Variants in PECAM1 observed in about 807,000 individuals in gnomAD.
PECAM1 encodes the protein platelet and endothelial cell adhesion molecule 1.
PECAM1 carries 8 observed loss-of-function variants against 13.8 expected under a neutral mutation model. The ratio of observed to expected loss-of-function variants is 0.58; its 90% confidence interval spans 0.34 to 1.05. The LOEUF (loss-of-function observed/expected upper bound fraction) is 1.05. Among genes scored for constraint, PECAM1 ranks in the 50% least tolerant of loss-of-function variants. The pLI is 0.03. For synonymous variants in PECAM1, 136 were observed against 52.6 expected (o/e 2.58, Z -6.86); for missense variants, 304 against 141.2 (o/e 2.15, Z -5.84).
At position 64,342,799 on chromosome 17, in the gene PECAM1, C is replaced by T. The variant is rs979816826; in HGVS notation, c.2108-1109G>A. 5.5e-3 allele frequency among the ~76,000 whole-genome samples: 831 copies of T among 152,196 alleles called. 5 individuals carry two copies. The highest frequency in any genetic ancestry group is 0.016 in the African/African-American group (660 of 41,512). The stretch of plus-strand genomic sequence containing the variant: ...GGGGTATGGGCACAGGATGTGTATA[C>T]AAAAATACACACACAGCATATACAC... On this transcript the variant is annotated intron_variant, in intron 13 of 15. Coordinates refer to ENST00000563924, the MANE Select transcript of PECAM1 (RefSeq NM_000442.5).
intron 2 of PECAM1, among the ~76,000 whole-genome samples, chr17:64,389,641 T>G (rs1361801351): frequency 6.6e-6 from 1 of 152,202 alleles, no homozygotes; most frequent in Non-Finnish European, 1.5e-5. Context: ...GGGGATAGGT[T>G]ACAATATTCA....
chr17:64,359,775 T>A (rs1314622313), intron 7 of PECAM1, among the ~76,000 whole-genome samples: 1 of 149,952 alleles, frequency 6.7e-6, no homozygotes, highest in Non-Finnish European at 1.5e-5. Context: ...TTTTTTTAGA[T>A]GGAGTTTCGC....
Position 64,360,257 on chromosome 17 carries a change from T to C in PECAM1, c.1375A>G (p.Asn459Asp), listed in dbSNP as rs1224567729. 4 of 475,404 alleles carry C rather than the reference T, an allele frequency of 8.4e-6. No homozygotes were observed. The highest frequency in any genetic ancestry group is 5.9e-5 in the African/African-American group (3 of 50,646). The allele number at this position is 475,404 out of a possible 1,614,324, so 29.4% of individuals were successfully genotyped here. A position where few individuals can be genotyped will look rare whatever the true frequency, so the allele number is the denominator to read the frequency against. Residue 459 changes from asparagine (N) to aspartate (D), a missense_variant, in exon 7 of 16, where the codon AAT (asparagine) becomes GAT (aspartate). Coordinates refer to ENST00000563924, the MANE Select transcript of PECAM1 (RefSeq NM_000442.5). ...TTGTCTTTGAATACCGCAGGATCATTTGAGTTCTTGGTACTATTCTCCAAA... is the reference window on the plus strand; with the variant it reads ...TTGTCTTTGAATACCGCAGGATCATCTGAGTTCTTGGTACTATTCTCCAAA... ...KVLENSTKNS[N>D]DPAVFKDNPT...
intron 2 of PECAM1, among the ~76,000 whole-genome samples, chr17:64,381,331 G>A (rs1202710879): frequency 3.3e-5 from 5 of 152,148 alleles, no homozygotes; most frequent in Non-Finnish European, 7.4e-5. Flanking sequence ...TCTTTGGGAT[G>A]CGTTTGTGCT....
chr17:64,390,179 C>T (rs1344975161), intron 2 of PECAM1: 2 of 354,892 alleles, frequency 5.6e-6, no homozygotes, highest in Non-Finnish European at 1.0e-5. Context: ...CAAGAGTAGT[C>T]GTGAGAACAG....
chr17:64,378,573 CGGGGG>C (rs2036414295), intron 2 of PECAM1, among the ~76,000 whole-genome samples: 1 of 150,912 alleles, frequency 6.6e-6, no homozygotes, highest in South Asian at 2.1e-4. Flanking sequence ...ACCTGGGAGG[CGGGGG>C]TTGCAGTGAG....
chr17:64,389,151 C>A (rs2036663592), intron 2 of PECAM1, among the ~76,000 whole-genome samples: 1 of 152,194 alleles, frequency 6.6e-6, no homozygotes, highest in African/African-American at 2.4e-5. Context: ...CAGCCTGGGG[C>A]CACTGCTCCG....
chr17:64,364,962 T>G (rs1222302224), intron 5 of PECAM1, among the ~76,000 whole-genome samples: 2 of 151,370 alleles, frequency 1.3e-5, no homozygotes, highest in African/African-American at 2.4e-5. Context: ...GTGTTGGAAG[T>G]TCTGGCCAGG....
chr17:64,330,740 AC>A (rs2035091112), intron 14 of PECAM1, among the ~76,000 whole-genome samples: 1 of 129,942 alleles, frequency 7.7e-6, no homozygotes, highest in African/African-American at 2.9e-5. Flanking sequence ...CATTCTCCAA[AC>A]CCTGTTGATA....
At chr17:64,389,363 C>A (rs1206783843) in intron 2 of PECAM1, among the ~76,000 whole-genome samples, 1 of 152,184 alleles carries the variant, frequency 6.6e-6, no homozygotes, top group Admixed American at 6.5e-5. Flanking sequence ...AGAAGCAGAA[C>A]AAAACCCTCT....
rs1598274880 is a variant in PECAM1, at chr17:64,329,578, G to T, written c.2187+122C>A. On this transcript the variant is annotated intron_variant, in intron 15 of 15. Coordinates refer to ENST00000563924, the MANE Select transcript of PECAM1 (RefSeq NM_000442.5). ...TAGTCAGAGAAGCCCAGGGCTTCTG[G>T]TCTGAAACAGACTAGGGAGCGGGGA... 9 of 690,090 alleles carry T rather than the reference G, an allele frequency of 1.3e-5. No individual in the cohort carries two copies. The East Asian group carries it at 2.4e-4, about 19-fold the overall frequency. The allele number at this position is 690,090 out of a possible 1,614,324, so 42.7% of individuals were successfully genotyped here.
At position 64,322,777 on chromosome 17, in the gene PECAM1, G is replaced by T; in HGVS notation, c.*1039C>A. The T allele has an allele frequency of 1.4e-6, 1 of 724,500 alleles. No individual in the cohort carries two copies. The highest frequency in any genetic ancestry group is 1.7e-6 in the Non-Finnish European group (1 of 591,566). The allele number at this position is 724,500 out of a possible 1,614,324, so 44.9% of individuals were successfully genotyped here. A position where few individuals can be genotyped will look rare whatever the true frequency, so the allele number is the denominator to read the frequency against. On this transcript the variant is annotated 3_prime_UTR_variant, in exon 16 of 16. Coordinates refer to ENST00000563924, the MANE Select transcript of PECAM1 (RefSeq NM_000442.5). Reference sequence around the variant, plus strand: ...GTCACTCAGGCTGGAGTGCAGTGGCGCGATCTCCGCTCACTACAACCTCCG... The same window carrying T: ...GTCACTCAGGCTGGAGTGCAGTGGCTCGATCTCCGCTCACTACAACCTCCG...
chr17:64,328,615 T>C lies in PECAM1; in HGVS notation c.2187+1085A>G, dbSNP rs552201386. Among the ~76,000 whole-genome samples the C allele has an allele frequency of 2.2e-4, 34 of 152,250 alleles. No homozygotes were observed. In the South Asian group the frequency reaches 6.8e-3, roughly 31 times the overall value. ...TCCTTAAATTCATAGCTTTCTTCCA[T>C]AAAAAGAATGTCAGTGGCTTCCTGT... On this transcript the variant is annotated intron_variant, in intron 15 of 15. Coordinates refer to ENST00000563924, the MANE Select transcript of PECAM1 (RefSeq NM_000442.5).
intron 14 of PECAM1, among the ~76,000 whole-genome samples, chr17:64,331,196 CTTCT>C (rs1398142071): frequency 2.6e-5 from 3 of 116,148 alleles, no homozygotes; most frequent in African/African-American, 9.3e-5. Flanking sequence ...CCCACACCAC[CTTCT>C]TTTTTTTTTT....
chr17:64,372,390 A>C (rs1422250208), intron 4 of PECAM1, among the ~76,000 whole-genome samples: 5 of 152,352 alleles, frequency 3.3e-5, no homozygotes, highest in South Asian at 2.1e-4. Flanking sequence ...AGCCAGGCAC[A>C]GTCAGCCAAA....
rs2036031322 is a variant in PECAM1 at position 64,363,416 on chromosome 17, G to A, written c.968-19C>T. The A allele has an allele frequency of 2.1e-6, 1 of 475,198 alleles. No individual in the cohort carries two copies. The highest frequency in any genetic ancestry group is 3.2e-5 in the Admixed American group (1 of 31,734). 29.4% of individuals were successfully genotyped at this position (475,198 alleles called of 1,614,324 possible). On this transcript the variant is annotated intron_variant, in intron 5 of 15. Transcript: ENST00000563924. Reference sequence around the variant, plus strand: ...AATAGTTCTGAAAAACAGTGAGTGGGAATGGAGCGAGATGTGTCTGGCCAC... The same window carrying A: ...AATAGTTCTGAAAAACAGTGAGTGGAAATGGAGCGAGATGTGTCTGGCCAC...
In PECAM1 at chr17:64,354,923, C is replaced by T; in HGVS notation, c.1888+10G>A. 2 of 475,356 alleles carry T rather than the reference C, an allele frequency of 4.2e-6. No individual in the cohort carries two copies. Among genetic ancestry groups the T allele is most frequent in the Non-Finnish European group, 7.7e-6 (2 of 259,040 alleles). The allele number at this position is 475,356 out of a possible 1,614,324, so 29.4% of individuals were successfully genotyped here. Reference sequence around the variant, plus strand: ...GACCAGTCAGTATGGAAGGAAAGAACTATGCTCACCCTTGGCTTTCCTCAG... The same window carrying T: ...GACCAGTCAGTATGGAAGGAAAGAATTATGCTCACCCTTGGCTTTCCTCAG... On this transcript the variant is annotated intron_variant, in intron 9 of 15. Transcript: ENST00000563924.
At chr17:64,342,316 C>T (rs1312575910) in intron 13 of PECAM1, among the ~76,000 whole-genome samples, 2 of 152,156 alleles carry the variant, frequency 1.3e-5, no homozygotes, top group East Asian at 1.9e-4. Context: ...CCTGCAGCCT[C>T]CAGCTTGCTG....
At chr17:64,334,214 C>A (rs1193230150) in intron 14 of PECAM1, among the ~76,000 whole-genome samples, 1 of 151,518 alleles carries the variant, frequency 6.6e-6, no homozygotes, top group Non-Finnish European at 1.5e-5. Context: ...TCCCATCAAA[C>A]TCAAGTCCCC....
Sources: gnomAD v4.1 joint callset for allele counts (sites outside exome capture counted in the v4.1 genomes callset) on GRCh38, gnomAD v4.1.1 for gene constraint, MANE v1.5 for transcripts, NCBI Gene and HGNC (gene_info 2026-07-23, HGNC 2026-07-21) for gene names.